Variants in SRCIN1 observed in about 807,000 individuals in gnomAD.
SRCIN1 encodes the protein P130Cas-associated protein.
Under a neutral mutation model 116.2 loss-of-function variants are expected in SRCIN1, and 50 were observed. The ratio of observed to expected loss-of-function variants is 0.43; its 90% CI spans 0.34 to 0.54. The LOEUF (loss-of-function observed/expected upper bound fraction) is 0.54, where lower values mean the gene tolerates loss of function less well. SRCIN1 is among the 20% of genes least tolerant of loss of function. The pLI, the probability that SRCIN1 is intolerant of heterozygous loss-of-function variation, is 0.02. For synonymous variants in SRCIN1, 736 were observed against 750.0 expected (o/e 0.98, Z 0.30); for missense variants, 1,446 against 1,672.0 (o/e 0.86, Z 2.36).
In SRCIN1 at chr17:38,564,107, G is replaced by A; in HGVS notation, c.541+11C>T. 6.3e-7 allele frequency: 1 copy of A among 1,591,322 alleles called. No individual in the cohort carries two copies. The highest frequency in any genetic ancestry group is 8.5e-7 in the Non-Finnish European group (1 of 1,170,414). ...TGTGTGGGGAGGGAGGGTGGACTGG[G>A]CGGGCAGTACCTGGGGAGCGCAGCT... On this transcript the variant is annotated intron_variant, in intron 4 of 18. Transcript: ENST00000617146.
intron 18 of SRCIN1, 132 bp from the exon 19 acceptor site, chr17:38,533,563 G>A (rs1467006348): frequency 6.1e-6 from 4 of 651,064 alleles, no homozygotes; most frequent in Non-Finnish European, 9.5e-6. Context: ...AGAAGCCAGA[G>A]GGGCATCTGG....
chr17:38,541,607 TGAG>T (rs929534938), intron 18 of SRCIN1: 3 of 152,830 alleles, frequency 2.0e-5, no homozygotes, highest in Non-Finnish European at 2.9e-5. Flanking sequence ...AGGCATGGTG[TGAG>T]GAGAAGAGGC....
At chr17:38,601,646 ACACACACGCTCGCGCG>A (rs1446605847) in intron 1 of SRCIN1, among the ~76,000 whole-genome samples, 1 of 140,168 alleles carries the variant, frequency 7.1e-6, no homozygotes, top group Non-Finnish European at 1.6e-5. Flanking sequence ...ACGCACACAC[ACACACACGCTCGCGCG>A]CACACACACA....
intron 1 of SRCIN1, among the ~76,000 whole-genome samples, chr17:38,596,697 C>A (rs1908748714): frequency 6.6e-6 from 1 of 152,076 alleles, no homozygotes; most frequent in Non-Finnish European, 1.5e-5. Context: ...CCACTCCCCA[C>A]TAACCCTGAG....
rs1906005499 is a variant in SRCIN1 at position 38,558,982 on chromosome 17, T to C, written c.2026-580A>G. ...GATCCAACCCTGTTCCAAGCCTGAA[T>C]GGCGGGGGTGGGCAAGATCTTACCC... On this transcript the variant is annotated intron_variant, in intron 10 of 18. Transcript: ENST00000617146. The surrounding 1 kb of genome is among the most constrained non-coding windows in gnomAD (Gnocchi z 4.6). The C allele has an allele frequency of 6.1e-6, 1 of 164,694 alleles. No individual in the cohort carries two copies. Among genetic ancestry groups the C allele is most frequent in the Non-Finnish European group, 1.3e-5 (1 of 76,024 alleles). 10.2% of individuals were successfully genotyped at this position (164,694 alleles called of 1,614,324 possible).
At position 38,544,591 on chromosome 17, in the gene SRCIN1, G is replaced by C. The variant is rs1203622356; in HGVS notation, c.3271-622C>G. Reference sequence around the variant, plus strand: ...GGAGCATGGGGATGGAAGGTGGGGAGAGAACTTTATTTGTTGGTTTACAGA... The same window carrying C: ...GGAGCATGGGGATGGAAGGTGGGGACAGAACTTTATTTGTTGGTTTACAGA... On this transcript the variant is annotated intron_variant, in intron 17 of 18. Transcript: ENST00000617146. The surrounding 1 kb of genome is among the most constrained non-coding windows in gnomAD (Gnocchi z 4.5). The C allele has an allele frequency of 6.6e-6, 1 of 152,278 alleles. No homozygotes were observed. The highest frequency in any genetic ancestry group is 2.4e-5 in the African/African-American group (1 of 41,452). The allele number at this position is 152,278 out of a possible 1,614,324, so 9.4% of individuals were successfully genotyped here. A position where few individuals can be genotyped will look rare whatever the true frequency, so the allele number is the denominator to read the frequency against.
Position 38,578,802 on chromosome 17 carries a change from T to G in SRCIN1, c.23-11A>C. ...TGCTCCGCTCCGGATCTGCGAGAGG[T>G]GAGAGGGGCACGGCTGGGTCACGGC... On this transcript the variant is annotated splice_polypyrimidine_tract_variant and intron_variant, in intron 1 of 18. Transcript: ENST00000617146. 6.8e-7 allele frequency: 1 copy of G among 1,480,134 alleles called. No homozygotes were observed. Among genetic ancestry groups the G allele is most frequent in the Non-Finnish European group, 8.9e-7 (1 of 1,117,932 alleles). The allele number at this position is 1,480,134 out of a possible 1,614,324, so 91.7% of individuals were successfully genotyped here. A position where few individuals can be genotyped will look rare whatever the true frequency, so the allele number is the denominator to read the frequency against.
Position 38,530,372 on chromosome 17 carries a change from C to A in SRCIN1, c.*2925G>T, listed in dbSNP as rs1456199073. ...CATATTGTGGAAGGGGCAGGAAATC[C>A]CCCATGCGAGTAACACAGCACAGTG... On this transcript the variant is annotated 3_prime_UTR_variant, in exon 19 of 19. Transcript: ENST00000617146. The A allele has an allele frequency of 6.6e-6, 1 of 152,172 alleles. No homozygotes were observed. Among genetic ancestry groups the A allele is most frequent in the Non-Finnish European group, 1.5e-5 (1 of 68,058 alleles). 9.4% of individuals were successfully genotyped at this position (152,172 alleles called of 1,614,324 possible). A position where few individuals can be genotyped will look rare whatever the true frequency, so the allele number is the denominator to read the frequency against.
rs1345846511 is a variant in SRCIN1, at chr17:38,533,059, T to C, written c.*238A>G. 8.1e-6 allele frequency: 3 copies of C among 372,626 alleles called. No homozygotes were observed. The East Asian group carries it at 1.3e-4, about 16-fold the overall frequency. 23.1% of individuals were successfully genotyped at this position (372,626 alleles called of 1,614,324 possible). On this transcript the variant is annotated 3_prime_UTR_variant, in exon 19 of 19. Coordinates refer to ENST00000617146, the MANE Select transcript of SRCIN1 (RefSeq NM_025248.3). The stretch of plus-strand genomic sequence containing the variant: ...AAGGTGGTGTGTTTGGTTTTTAGTT[T>C]TACTGTTTAAAAAAAGATAATTAAA...
chr17:38,585,842 G>A lies in SRCIN1; in HGVS notation c.23-7051C>T, dbSNP rs189544558. ...TCGGAGATGAGGGCGTGTGATGGGG[G>A]AAGGGCGATGGGGGGAAGGAGGCAG... On this transcript the variant is annotated intron_variant, in intron 1 of 18. Transcript: ENST00000617146. The surrounding 1 kb of genome is among the most constrained non-coding windows in gnomAD (Gnocchi z 4.2). Among the ~76,000 whole-genome samples the A allele has an allele frequency of 1.2e-3, 182 of 152,310 alleles. No homozygotes were observed. The highest frequency in any genetic ancestry group is 4.0e-3 in the African/African-American group (165 of 41,564).
chr17:38,532,725 C>G lies in SRCIN1; in HGVS notation c.*572G>C, dbSNP rs952633831. The G allele has an allele frequency of 6.6e-6, 1 of 152,470 alleles. No individual in the cohort carries two copies. The highest frequency in any genetic ancestry group is 1.5e-5 in the Non-Finnish European group (1 of 68,240). 9.4% of individuals were successfully genotyped at this position (152,470 alleles called of 1,614,324 possible). A position where few individuals can be genotyped will look rare whatever the true frequency, so the allele number is the denominator to read the frequency against. On this transcript the variant is annotated 3_prime_UTR_variant, in exon 19 of 19. Coordinates refer to ENST00000617146, the MANE Select transcript of SRCIN1 (RefSeq NM_025248.3). The surrounding 1 kb of genome is among the most constrained non-coding windows in gnomAD (Gnocchi z 4.3). ...GAGCAGCCACAGAGGAAGTCACAGT[C>G]TTGTCGGAGCTTAGACAGGGAGTGG...
intron 15 of SRCIN1, among the ~76,000 whole-genome samples, chr17:38,550,747 T>TGGTCTGGATTTCTGCCACTCCC (rs1905340002): frequency 6.6e-6 from 1 of 152,242 alleles, no homozygotes; most frequent in Non-Finnish European, 1.5e-5. Context: ...CTGCCACTTC[T>TGGTCTGGATTTCTGCCACTCCC]GGTCTGGATT....
chr17:38,534,031 G>A (rs753295889), intron 18 of SRCIN1, among the ~76,000 whole-genome samples: 8 of 152,192 alleles, frequency 5.3e-5, no homozygotes, highest in Admixed American at 2.0e-4. Context: ...CCAGCCTCCC[G>A]CCCAGTGCAG....
chr17:38,563,024 C>CGGGA lies in SRCIN1; in HGVS notation c.741-108_741-105dup. 9.9e-7 allele frequency: 1 copy of CGGGA among 1,005,848 alleles called. No individual in the cohort carries two copies. Among genetic ancestry groups the CGGGA allele is most frequent in the South Asian group, 1.4e-5 (1 of 70,840 alleles). 62.3% of individuals were successfully genotyped at this position (1,005,848 alleles called of 1,614,324 possible). A position where few individuals can be genotyped will look rare whatever the true frequency, so the allele number is the denominator to read the frequency against. On this transcript the variant is annotated intron_variant, in intron 5 of 18. Coordinates refer to ENST00000617146, the MANE Select transcript of SRCIN1 (RefSeq NM_025248.3). The surrounding 1 kb of genome is among the most constrained non-coding windows in gnomAD (Gnocchi z 5.8). The stretch of plus-strand genomic sequence containing the variant: ...AGAGAAGAGGGGTGGCCAGAGGCAC[C>CGGGA]GGGAGCCCCATCTCAGGCTGCCTGC...
At chr17:38,589,365 G>C (rs1008347530) in intron 1 of SRCIN1, among the ~76,000 whole-genome samples, 17 of 152,200 alleles carry the variant, frequency 1.1e-4, no homozygotes, top group African/African-American at 3.4e-4. Context: ...GCTCATGCAG[G>C]GCATCTGGGG....
intron 3 of SRCIN1, among the ~76,000 whole-genome samples, chr17:38,567,119 G>A (rs141074022): frequency 6.6e-6 from 1 of 152,312 alleles, no homozygotes; most frequent in African/African-American, 2.4e-5. Flanking sequence ...TGCCCAGGCT[G>A]GTTTCAAACT....
chr17:38,550,894 T>C (rs531136411), intron 15 of SRCIN1, among the ~76,000 whole-genome samples: 1 of 152,348 alleles, frequency 6.6e-6, no homozygotes, highest in Non-Finnish European at 1.5e-5. Context: ...GGCGGATGAC[T>C]CTGCCTGGAC....
intron 2 of SRCIN1, among the ~76,000 whole-genome samples, chr17:38,576,745 G>A (rs1907443921): frequency 6.6e-6 from 1 of 151,964 alleles, no homozygotes; most frequent in East Asian, 1.9e-4. Flanking sequence ...CTGTCGCCCA[G>A]GTGTTTCTGT....
intron 3 of SRCIN1, among the ~76,000 whole-genome samples, chr17:38,566,019 G>A (rs1906659196): frequency 6.6e-6 from 1 of 152,180 alleles, no homozygotes; most frequent in South Asian, 2.1e-4. Context: ...TGGCAGTGTG[G>A]GGAACCAGGT....
Sources: allele counts gnomAD v4.1 joint callset (sites outside exome capture counted in the v4.1 genomes callset), GRCh38; gene constraint gnomAD v4.1.1; non-coding constraint Gnocchi (gnomAD v3.1); transcripts MANE v1.5; gene names NCBI Gene and HGNC (gene_info 2026-07-23, HGNC 2026-07-21).